Variants in TRAPPC12 observed in about 807,000 individuals in gnomAD.
The protein encoded by TRAPPC12 is TPR repeat protein 15.
A neutral mutation model predicts 69.2 loss-of-function variants in TRAPPC12; 61 were observed. The ratio of observed to expected loss-of-function variants is 0.88; its 90% confidence interval spans 0.72 to 1.09. The LOEUF is 1.09. Ranked by LOEUF, TRAPPC12 falls within the 50% of genes least tolerant of loss-of-function variation. TRAPPC12 has a pLI of 0.00. For synonymous variants in TRAPPC12, 469 were observed against 438.9 expected (o/e 1.07, Z -0.86); for missense variants, 1,101 against 1,016.4 (o/e 1.08, Z -1.13).
At chr2:3,451,222 TG>T (rs951495900) in intron 6 of TRAPPC12, among the ~76,000 whole-genome samples, 60 of 152,356 alleles carry the variant, frequency 3.9e-4, no homozygotes, top group African/African-American at 1.4e-3. Context: ...TCCCATACTG[TG>T]GGCAGGTGTT....
At chr2:3,415,613 A>T (rs1026833811) in intron 3 of TRAPPC12, among the ~76,000 whole-genome samples, 1 of 151,854 alleles carries the variant, frequency 6.6e-6, no homozygotes, top group African/African-American at 2.4e-5. Context: ...CATGTTGGCC[A>T]GGCTGCTCTC....
intron 2 of TRAPPC12, among the ~76,000 whole-genome samples, chr2:3,395,811 C>T (rs1333611804): frequency 6.6e-6 from 1 of 151,894 alleles, no homozygotes; most frequent in Non-Finnish European, 1.5e-5. Flanking sequence ...CTCACTCCAA[C>T]CTCCACCTCC....
At chr2:3,467,445 A>G (rs1401639826) in intron 9 of TRAPPC12, 1 of 152,222 alleles carries the variant, frequency 6.6e-6, no homozygotes, top group African/African-American at 2.4e-5. Context: ...GGAGATTGCA[A>G]TACCTAGCTA....
chr2:3,398,808 A>G (rs1423846824), intron 2 of TRAPPC12, among the ~76,000 whole-genome samples: 1 of 152,246 alleles, frequency 6.6e-6, no homozygotes, highest in Non-Finnish European at 1.5e-5. Context: ...AGATTGTGAT[A>G]TATTCATGTG....
At chr2:3,404,516 C>G (rs1191505206) in intron 3 of TRAPPC12, among the ~76,000 whole-genome samples, 1 of 152,082 alleles carries the variant, frequency 6.6e-6, no homozygotes, top group Non-Finnish European at 1.5e-5. Context: ...GCAAAGCAGC[C>G]TTAGTTACTT....
In TRAPPC12 at chr2:3,411,656, T is replaced by G. The variant is rs77444259; in HGVS notation, c.1164+9763T>G. Among the ~76,000 whole-genome samples, 2,647 of 152,364 alleles carry G rather than the reference T, an allele frequency of 0.017. 115 individuals carry two copies. In the East Asian group the frequency reaches 0.17, roughly 10 times the overall value. ...GTGTCTTTTTATTATGTATTATATATTTAGCATTTCCCCATATAAAAGGGT... is the reference window on the plus strand; with the variant it reads ...GTGTCTTTTTATTATGTATTATATAGTTAGCATTTCCCCATATAAAAGGGT... On this transcript the variant is annotated intron_variant, in intron 3 of 11. Coordinates refer to ENST00000324266, the MANE Select transcript of TRAPPC12 (RefSeq NM_016030.6).
At chr2:3,383,855 G>C (rs769235633) in intron 1 of TRAPPC12, among the ~76,000 whole-genome samples, 2 of 122,202 alleles carry the variant, frequency 1.6e-5, no homozygotes, top group African/African-American at 5.7e-5. Context: ...ATATTCCCTT[G>C]TGATAGTTCA....
Position 3,387,774 on chromosome 2 carries a change from G to A in TRAPPC12, c.151G>A (p.Ala51Thr), listed in dbSNP as rs745336646. 7 of 1,612,704 alleles carry A rather than the reference G, an allele frequency of 4.3e-6. No individual in the cohort carries two copies. Among genetic ancestry groups the A allele is most frequent in the Non-Finnish European group, 5.9e-6 (7 of 1,179,342 alleles). ...DEFGSEENET[A>T]SEGSSPLADK... ...GTTTGGATCCGAAGAGAACGAGACCGCATCGGAAGGCTCGAGTCCTCTCGC... is the reference window on the plus strand; with the variant it reads ...GTTTGGATCCGAAGAGAACGAGACCACATCGGAAGGCTCGAGTCCTCTCGC... Residue 51 changes from alanine to threonine, a missense_variant, in exon 2 of 12, where the codon GCA (alanine) becomes ACA (threonine). Ala to Thr is a moderately conservative substitution (Grantham distance 58). Coordinates refer to ENST00000324266, the MANE Select transcript of TRAPPC12 (RefSeq NM_016030.6).
chr2:3,390,800 G>A (rs1038196171), intron 2 of TRAPPC12, among the ~76,000 whole-genome samples: 5 of 152,134 alleles, frequency 3.3e-5, no homozygotes, highest in African/African-American at 1.2e-4. Flanking sequence ...CTCTGGCGAG[G>A]TGCGTTGATC....
At chr2:3,476,810 A>G (rs1255231718) in intron 9 of TRAPPC12, among the ~76,000 whole-genome samples, 2 of 152,168 alleles carry the variant, frequency 1.3e-5, no homozygotes, top group African/African-American at 4.8e-5. Flanking sequence ...CTTGTTTCTC[A>G]TCGAGACAGA....
chr2:3,422,069 T>C, intron 4 of TRAPPC12, 75 bp downstream of exon 4: 1 of 1,102,040 alleles, frequency 9.1e-7, no homozygotes, highest in Non-Finnish European at 1.3e-6. Context: ...ACCATGGCCT[T>C]TCATGCCAAT....
rs561581535 is a variant in TRAPPC12, at chr2:3,427,718, C to T, written c.1417+3055C>T. ...CCAGCCTGGCCAACATGGCAAAACC[C>T]CCATCTCTACTAAAAATACAAAAAA... On this transcript the variant is annotated intron_variant, in intron 5 of 11. Coordinates refer to ENST00000324266, the MANE Select transcript of TRAPPC12 (RefSeq NM_016030.6). Among the ~76,000 whole-genome samples the T allele has an allele frequency of 2.0e-5, 3 of 152,240 alleles. No homozygotes were observed. The East Asian group carries it at 5.8e-4, about 29-fold the overall frequency.
chr2:3,423,734 C>T (rs1339265286), intron 4 of TRAPPC12, among the ~76,000 whole-genome samples: 1 of 152,218 alleles, frequency 6.6e-6, no homozygotes, highest in African/African-American at 2.4e-5. Context: ...ATCCGTTCAT[C>T]CTTCAGCGGA....
chr2:3,426,824 G>A (rs950993767), intron 5 of TRAPPC12, among the ~76,000 whole-genome samples: 7 of 152,358 alleles, frequency 4.6e-5, no homozygotes, highest in South Asian at 2.1e-4. Flanking sequence ...CAGTCCGCAC[G>A]TAGGTGGTTC....
chr2:3,388,797 G>C, intron 2 of TRAPPC12, 127 bp downstream of exon 2: 1 of 979,870 alleles, frequency 1.0e-6, no homozygotes, highest in Non-Finnish European at 1.4e-6. Flanking sequence ...ATCCCATTGT[G>C]AGCGCCTGTG....
At chr2:3,452,256 C>T (rs547201541) in intron 6 of TRAPPC12, among the ~76,000 whole-genome samples, 1 of 152,282 alleles carries the variant, frequency 6.6e-6, no homozygotes, top group East Asian at 1.9e-4. Flanking sequence ...CGTCTCACAG[C>T]ATAGCAGCTG....
Position 3,433,388 on chromosome 2 carries a change from C to T in TRAPPC12, c.1417+8725C>T, listed in dbSNP as rs527838490. ...TTGGGCAAAGGGTCTGGAAGGCTCC[C>T]GCAGACCCTTCTGTGAGGCAGGTGG... is the stretch of plus-strand genomic sequence containing the variant. On this transcript the variant is annotated intron_variant, in intron 5 of 11. Coordinates refer to ENST00000324266, the MANE Select transcript of TRAPPC12 (RefSeq NM_016030.6). 5.9e-5 allele frequency among the ~76,000 whole-genome samples: 9 copies of T among 152,316 alleles called. No individual in the cohort carries two copies. The South Asian group carries it at 1.0e-3, about 18-fold the overall frequency.
intron 9 of TRAPPC12, among the ~76,000 whole-genome samples, chr2:3,477,333 C>A (rs533905944): frequency 6.6e-6 from 1 of 152,348 alleles, no homozygotes; most frequent in African/African-American, 2.4e-5. Context: ...TGACGTAGGA[C>A]CTGCTCATAT....
intron 5 of TRAPPC12, among the ~76,000 whole-genome samples, chr2:3,433,677 G>A (rs1663590261): frequency 6.6e-6 from 1 of 152,202 alleles, no homozygotes; most frequent in Non-Finnish European, 1.5e-5. Flanking sequence ...TATAGTGGCA[G>A]CACGGATTTT....
Sources: allele counts gnomAD v4.1 joint callset (sites outside exome capture counted in the v4.1 genomes callset), GRCh38; gene constraint gnomAD v4.1.1; transcripts MANE v1.5; gene names NCBI Gene and HGNC (gene_info 2026-07-23, HGNC 2026-07-21).